The following ALMS1 variants were observed in gnomAD, a reference collection of about 807,000 sequenced individuals.
The protein encoded by ALMS1 is centrosome-associated protein ALMS1.
A neutral mutation model predicts 352.2 loss-of-function variants in ALMS1; 271 were observed. The ratio of observed to expected loss-of-function variants is 0.77; its 90% CI spans 0.70 to 0.85. The LOEUF is 0.85. Ranked by LOEUF, ALMS1 falls within the 40% of genes least tolerant of loss-of-function variation. The probability of loss-of-function intolerance (pLI) is 0.00; values close to 1 mark genes in which losing one functional copy is unlikely to be tolerated. For synonymous variants in ALMS1, 1,865 were observed against 1,761.2 expected (o/e 1.06, Z -1.48); for missense variants, 5,445 against 4,870.7 (o/e 1.12, Z -3.51).
At chr2:73,390,670 A>T (rs1226353313) in intron 1 of ALMS1, among the ~76,000 whole-genome samples, 1 of 152,106 alleles carries the variant, frequency 6.6e-6, no homozygotes, top group East Asian at 1.9e-4. Context: ...TGAATTTCTG[A>T]GTTGTGCTGG....
chr2:73,407,454 C>T (rs915316430), intron 1 of ALMS1, among the ~76,000 whole-genome samples: 3 of 151,812 alleles, frequency 2.0e-5, no homozygotes, highest in African/African-American at 7.3e-5. Flanking sequence ...AATTTTTATG[C>T]TTTTGTCTTT....
intron 13 of ALMS1, among the ~76,000 whole-genome samples, chr2:73,554,510 C>T (rs1335304388): frequency 1.3e-5 from 2 of 151,646 alleles, no homozygotes; most frequent in Non-Finnish European, 2.9e-5. Flanking sequence ...TCGAGACCAT[C>T]CTGGCTAACA....
chr2:73,567,142 C>T (rs1265207132), intron 15 of ALMS1, among the ~76,000 whole-genome samples: 1 of 152,174 alleles, frequency 6.6e-6, no homozygotes, highest in Non-Finnish European at 1.5e-5. Context: ...CCTGCAGTCC[C>T]TGTCCCCTCC....
At chr2:73,414,557 G>C (rs968927900) in intron 2 of ALMS1, among the ~76,000 whole-genome samples, 1 of 116,270 alleles carries the variant, frequency 8.6e-6, no homozygotes, top group Admixed American at 1.1e-4. Context: ...TTTGTGTTCT[G>C]ACCCCAATTC....
At position 73,593,023 on chromosome 2, in the gene ALMS1, A is replaced by G. The variant is rs189207969; in HGVS notation, c.11548-6378A>G. On this transcript the variant is annotated intron_variant, in intron 16 of 22. Transcript: ENST00000613296. ...GGTGGCTGATAATGCCATTTAATAT[A>G]TAGTCACCTAAATCTTTATGTGTCA... 2.0e-3 allele frequency among the ~76,000 whole-genome samples: 312 copies of G among 152,244 alleles called. 5 individuals carry two copies. The highest frequency in any genetic ancestry group is 0.019 in the Admixed American group (296 of 15,290).
chr2:73,423,464 T>TA (rs1671321025), intron 4 of ALMS1, among the ~76,000 whole-genome samples: 1 of 152,184 alleles, frequency 6.6e-6, no homozygotes, highest in Admixed American at 6.5e-5. Context: ...CATATCCAAA[T>TA]GAACAGATAC....
At chr2:73,481,234 A>G (rs573106240) in intron 9 of ALMS1, among the ~76,000 whole-genome samples, 2 of 152,258 alleles carry the variant, frequency 1.3e-5, no homozygotes, top group South Asian at 2.1e-4. Context: ...TCTTTAATCC[A>G]TCTTGAATTA....
At chr2:73,416,972 A>T (rs1176326500) in intron 2 of ALMS1, among the ~76,000 whole-genome samples, 1 of 152,122 alleles carries the variant, frequency 6.6e-6, no homozygotes, top group Non-Finnish European at 1.5e-5. Flanking sequence ...GCCTGCCAGT[A>T]GTCCCAGCTA....
intron 6 of ALMS1, among the ~76,000 whole-genome samples, chr2:73,431,036 C>T (rs888944680): frequency 1.3e-5 from 2 of 152,078 alleles, no homozygotes; most frequent in African/African-American, 4.8e-5. Flanking sequence ...GCAGCCTTAT[C>T]ATTTTGAGTT....
chr2:73,485,747 C>G (rs937019537), intron 9 of ALMS1, among the ~76,000 whole-genome samples: 3 of 152,230 alleles, frequency 2.0e-5, no homozygotes, highest in Middle Eastern at 6.8e-3. Context: ...CTAGGACGCT[C>G]GGAGCCAGGT....
In ALMS1 at chr2:73,601,162, A is replaced by C. The variant is rs1015061807; in HGVS notation, c.11873-33A>C. The C allele has an allele frequency of 1.9e-6, 3 of 1,613,616 alleles. No individual in the cohort carries two copies. In the African/African-American group the frequency reaches 4.0e-5, roughly 22 times the overall value. ...GGGTGGGGCTGTAAAAAAGTGAAAA[A>C]TCTGTGTTCCTTCTAAAAACTGTTT... is the stretch of plus-strand genomic sequence containing the variant. On this transcript the variant is annotated intron_variant, in intron 18 of 22. Transcript: ENST00000613296.
chr2:73,460,151 C>A (rs1356932987), intron 9 of ALMS1, among the ~76,000 whole-genome samples: 2 of 152,112 alleles, frequency 1.3e-5, no homozygotes, highest in African/African-American at 4.8e-5. Context: ...ATGTTTCTCC[C>A]TCAGCCCCAC....
chr2:73,509,089 T>A (rs538834424), intron 10 of ALMS1, among the ~76,000 whole-genome samples: 1 of 152,316 alleles, frequency 6.6e-6, no homozygotes, highest in South Asian at 2.1e-4. Flanking sequence ...TTTTTTGCTT[T>A]CCATTTGCTT....
At position 73,386,149 on chromosome 2, in the gene ALMS1, C is replaced by A. The variant is rs763023186; in HGVS notation, c.281C>A (p.Pro94Gln). The A allele has an allele frequency of 6.4e-7, 1 of 1,556,368 alleles. No individual in the cohort carries two copies. The highest frequency in any genetic ancestry group is 8.7e-7 in the Non-Finnish European group (1 of 1,150,546). ...PGRILPPLSP[P>Q]QHRYSEGERT... ...AGGATTTTGCCTCCGCTGTCGCCCCCGCAGCACCGCTACTCGGAGGGCGAG... is the reference window on the plus strand; with the variant it reads ...AGGATTTTGCCTCCGCTGTCGCCCCAGCAGCACCGCTACTCGGAGGGCGAG... The change falls in exon 1 of 23, where the codon CCG (proline) becomes CAG (glutamine). Residue 94 changes from proline to glutamine, a missense_variant. Coordinates refer to ENST00000613296, the MANE Select transcript of ALMS1 (RefSeq NM_001378454.1).
Position 73,426,529 on chromosome 2 carries a change from A to G in ALMS1, c.1314A>G (p.Glu438=). The G allele has an allele frequency of 6.2e-7, 1 of 1,614,142 alleles. No homozygotes were observed. Among genetic ancestry groups the G allele is most frequent in the Non-Finnish European group, 8.5e-7 (1 of 1,179,950 alleles). The change falls in exon 6 of 23, where the codon GAA becomes GAG. Residue 438 remains glutamate, a synonymous_variant. Coordinates refer to ENST00000613296, the MANE Select transcript of ALMS1 (RefSeq NM_001378454.1). ...ATGAAAATGCTGTTGTATGCAGTGA[A>G]AGAGTTGCTGAACTACAAAGAAAGG... ...GLNENAVVCS[E]RVAELQRKPT...
chr2:73,422,709 C>T, intron 3 of ALMS1, 148 bp from the exon 4 acceptor site: 1 of 666,638 alleles, frequency 1.5e-6, no homozygotes, highest in East Asian at 2.8e-5. Flanking sequence ...TAAATGGTAG[C>T]TGCTACTGCT....
chr2:73,539,451 T>A (rs1674113182), intron 12 of ALMS1, among the ~76,000 whole-genome samples: 2 of 151,122 alleles, frequency 1.3e-5, no homozygotes, highest in Admixed American at 1.3e-4. Context: ...AACTGAAAAT[T>A]CTAAAAATCG....
At chr2:73,403,046 A>C (rs572896668) in intron 1 of ALMS1, among the ~76,000 whole-genome samples, 1 of 151,980 alleles carries the variant, frequency 6.6e-6, no homozygotes. Context: ...ATTTAGTTCT[A>C]TTTATTTATT....
chr2:73,385,823 TCC>T, upstream of ALMS1: 1 of 658,372 alleles, frequency 1.5e-6, no homozygotes, highest in Non-Finnish European at 2.7e-6. Flanking sequence ...TTCCCCTCCC[TCC>T]CCCCCTCCTC....
Sources: gnomAD v4.1 joint callset for allele counts (sites outside exome capture counted in the v4.1 genomes callset) on GRCh38, gnomAD v4.1.1 for gene constraint, MANE v1.5 for transcripts, NCBI Gene and HGNC (gene_info 2026-07-23, HGNC 2026-07-21) for gene names.